The following NRG3 variants were observed in gnomAD, a reference collection of about 807,000 sequenced individuals.
NRG3 encodes the protein neuregulin 3, also known as pro-neuregulin-3, membrane-bound isoform.
A neutral mutation model predicts 66.9 loss-of-function variants in NRG3; 31 were observed. The ratio of observed to expected loss-of-function variants is 0.46; its 90% CI spans 0.35 to 0.63. The LOEUF is 0.63. Among genes scored for constraint, NRG3 ranks in the 20% least tolerant of loss-of-function variants. NRG3 has a pLI of 0.00. For synonymous variants in NRG3, 393 were observed against 359.4 expected (o/e 1.09, Z -1.06); for missense variants, 910 against 878.9 (o/e 1.04, Z -0.45).
intron 2 of NRG3, among the ~76,000 whole-genome samples, chr10:82,430,136 G>T (rs1404949769): frequency 1.3e-5 from 2 of 152,032 alleles, no homozygotes; most frequent in Middle Eastern, 3.2e-3. Flanking sequence ...TTTATAATAG[G>T]TCATTCAATG....
intron 2 of NRG3, among the ~76,000 whole-genome samples, chr10:82,581,751 T>C (rs2046367743): frequency 6.6e-6 from 1 of 152,060 alleles, no homozygotes; most frequent in Non-Finnish European, 1.5e-5. Context: ...TTGTGTTATG[T>C]GTATTTTACC....
chr10:82,958,711 G>T (rs1222138987), intron 5 of NRG3, among the ~76,000 whole-genome samples: 1 of 152,138 alleles, frequency 6.6e-6, no homozygotes, highest in East Asian at 1.9e-4. Context: ...CTAAATGTTT[G>T]TCTGCTTTTG....
intron 4 of NRG3, among the ~76,000 whole-genome samples, chr10:82,890,423 G>C (rs991760530): frequency 3.3e-5 from 5 of 151,968 alleles, no homozygotes; most frequent in African/African-American, 1.2e-4. Context: ...TTTCATGCTT[G>C]TATTTAGCAT....
At chr10:82,588,585 C>T (rs1385236624) in intron 2 of NRG3, among the ~76,000 whole-genome samples, 1 of 152,034 alleles carries the variant, frequency 6.6e-6, no homozygotes, top group African/African-American at 2.4e-5. Context: ...TTACTGCAAG[C>T]TCCGCCTCCC....
At chr10:82,296,477 C>T (rs1288038616) in intron 1 of NRG3, among the ~76,000 whole-genome samples, 3 of 152,022 alleles carry the variant, frequency 2.0e-5, no homozygotes, top group Admixed American at 1.3e-4. Context: ...GCAGGTGACA[C>T]GAGTTTTTAT....
chr10:82,705,624 T>G (rs551340429), intron 2 of NRG3, among the ~76,000 whole-genome samples: 41 of 152,324 alleles, frequency 2.7e-4, no homozygotes, highest in African/African-American at 8.9e-4. Flanking sequence ...TCAATGACCC[T>G]GAGGAGGGCT....
At chr10:81,956,710 C>G (rs1849867351) in intron 1 of NRG3, among the ~76,000 whole-genome samples, 1 of 152,080 alleles carries the variant, frequency 6.6e-6, no homozygotes, top group African/African-American at 2.4e-5. Context: ...ATTATATTTT[C>G]CAAGTAGAAG....
intron 2 of NRG3, among the ~76,000 whole-genome samples, chr10:82,418,458 G>T (rs113766481): frequency 6.6e-6 from 1 of 152,082 alleles, no homozygotes; most frequent in African/African-American, 2.4e-5. Flanking sequence ...TTATGCAAAT[G>T]AAAAGAGGAG....
intron 4 of NRG3, among the ~76,000 whole-genome samples, chr10:82,895,108 G>T (rs149746519): frequency 0.018 from 2,713 of 152,282 alleles, 92 homozygotes; most frequent in African/African-American, 0.061. Flanking sequence ...ATTCCACGGT[G>T]TATATGTGCC....
chr10:81,898,484 A>G (rs934622166), intron 1 of NRG3, among the ~76,000 whole-genome samples: 4 of 152,326 alleles, frequency 2.6e-5, no homozygotes, highest in East Asian at 1.9e-4. Context: ...TGAATCTACT[A>G]TCTGGGCAAA....
rs200969189 is a variant in NRG3, at chr10:82,362,547, G to T, written c.953+3679G>T. On this transcript the variant is annotated intron_variant, in intron 2 of 8. Coordinates refer to ENST00000372141, the MANE Select transcript of NRG3 (RefSeq NM_001010848.4). ...CACCACCATGCCCAGATAATTTCTG[G>T]GTTTTTTTTTTTTTTTTTTTTTCGT... Among the ~76,000 whole-genome samples, 353 of 47,100 alleles carry T rather than the reference G, an allele frequency of 7.5e-3. 17 individuals are homozygous for T. The highest frequency in any genetic ancestry group is 0.052 in the African/African-American group (191 of 3,692). The allele number at this position is 47,100 out of a possible 152,430, so 30.9% of individuals were successfully genotyped here.
intron 1 of NRG3, among the ~76,000 whole-genome samples, chr10:82,193,866 A>G (rs1366657202): frequency 6.6e-6 from 1 of 152,200 alleles, no homozygotes; most frequent in East Asian, 1.9e-4. Flanking sequence ...TTGAGGCTTA[A>G]CGGCATTGAC....
At chr10:82,749,626 T>G (rs1325182290) in intron 3 of NRG3, among the ~76,000 whole-genome samples, 1 of 152,186 alleles carries the variant, frequency 6.6e-6, no homozygotes, top group Non-Finnish European at 1.5e-5. Flanking sequence ...TGGTGCCTCC[T>G]TCTGAGATTT....
chr10:82,751,607 C>T (rs1287801100), intron 3 of NRG3, among the ~76,000 whole-genome samples: 1 of 152,126 alleles, frequency 6.6e-6, no homozygotes, highest in Non-Finnish European at 1.5e-5. Context: ...TACAAGAAAC[C>T]TTGCCAGGTA....
At chr10:82,442,553 A>T (rs1392428145) in intron 2 of NRG3, among the ~76,000 whole-genome samples, 1 of 152,134 alleles carries the variant, frequency 6.6e-6, no homozygotes, top group Non-Finnish European at 1.5e-5. Context: ...TTGAGCAAAT[A>T]AGGAAACAGC....
rs115619319 is a variant in NRG3, at chr10:82,444,210, C to T, written c.953+85342C>T. Among the ~76,000 whole-genome samples the T allele has an allele frequency of 4.6e-3, 696 of 152,298 alleles. 7 individuals are homozygous for T. The highest frequency in any genetic ancestry group is 0.016 in the African/African-American group (647 of 41,566). On this transcript the variant is annotated intron_variant, in intron 2 of 8. Transcript: ENST00000372141. ...CTCCGCCTTTTGGGTTCAAGTTATTCTCCTTTCTCAGCCTCCTGAGTAGCA... is the reference window on the plus strand; with the variant it reads ...CTCCGCCTTTTGGGTTCAAGTTATTTTCCTTTCTCAGCCTCCTGAGTAGCA...
At chr10:82,177,475 G>C (rs1467679851) in intron 1 of NRG3, among the ~76,000 whole-genome samples, 1 of 152,220 alleles carries the variant, frequency 6.6e-6, no homozygotes, top group East Asian at 1.9e-4. Context: ...TGAGTACAAA[G>C]ACCAAGATTT....
At chr10:82,974,390 A>T (rs182187055) in intron 7 of NRG3, among the ~76,000 whole-genome samples, 67 of 152,326 alleles carry the variant, frequency 4.4e-4, no homozygotes, top group Non-Finnish European at 8.5e-4. Context: ...ATGAGGTGGC[A>T]GTTTCTTGCA....
rs527458601 is a variant in NRG3, at chr10:82,958,895, T to C, written c.1158-54T>C. 8.8e-6 allele frequency: 13 copies of C among 1,483,388 alleles called. No individual in the cohort carries two copies. The East Asian group carries it at 2.9e-4, about 33-fold the overall frequency. The allele number at this position is 1,483,388 out of a possible 1,614,324, so 91.9% of individuals were successfully genotyped here. A position where few individuals can be genotyped will look rare whatever the true frequency, so the allele number is the denominator to read the frequency against. On this transcript the variant is annotated intron_variant, in intron 5 of 8. Transcript: ENST00000372141. ...CTGGGAATGAATGAGACCCTGAAAG[T>C]AGGAGTTGAATAAAGTCATGCAAAT...
Sources: gnomAD v4.1 joint callset for allele counts (sites outside exome capture counted in the v4.1 genomes callset) on GRCh38, gnomAD v4.1.1 for gene constraint, MANE v1.5 for transcripts, NCBI Gene and HGNC (gene_info 2026-07-23, HGNC 2026-07-21) for gene names.